DNAH7: variants seen among roughly 807,000 people sequenced by gnomAD.
DNAH7 encodes axonemal beta dynein heavy chain 7.
DNAH7 carries 397 observed loss-of-function variants against 444.6 expected under a neutral mutation model. The ratio of observed to expected loss-of-function variants is 0.89; its 90% CI spans 0.82 to 0.97. DNAH7 has a LOEUF of 0.97. Among genes scored for constraint, DNAH7 ranks in the 50% least tolerant of loss-of-function variants. The pLI, the probability that DNAH7 is intolerant of heterozygous loss-of-function variation, is 0.00. For synonymous variants in DNAH7, 1,636 were observed against 1,624.4 expected, an observed-to-expected ratio of 1.01 and a Z score of -0.17; for missense variants, 4,902 against 4,800.8, an observed-to-expected ratio of 1.02 and a Z score of -0.62.
intron 5 of DNAH7, among the ~76,000 whole-genome samples, chr2:196,032,577 A>G (rs564672413): frequency 7.9e-5 from 12 of 152,374 alleles, no homozygotes; most frequent in Admixed American, 5.9e-4. Context: ...TGACCCAATC[A>G]ACAACAGAAA....
At chr2:195,935,620 TAAGTA>T (rs1464750694) in intron 20 of DNAH7, among the ~76,000 whole-genome samples, 1 of 152,040 alleles carries the variant, frequency 6.6e-6, no homozygotes, top group African/African-American at 2.4e-5. Flanking sequence ...CATTAACAAA[TAAGTA>T]AATTACAGAG....
At chr2:196,056,376 C>T (rs1474844317) in intron 2 of DNAH7, among the ~76,000 whole-genome samples, 2 of 141,758 alleles carry the variant, frequency 1.4e-5, no homozygotes, top group African/African-American at 2.7e-5. Flanking sequence ...GCCCGGGAGG[C>T]GGAGGTTGCA....
intron 36 of DNAH7, among the ~76,000 whole-genome samples, chr2:195,878,186 A>G (rs1701165601): frequency 6.6e-6 from 1 of 152,258 alleles, no homozygotes; most frequent in African/African-American, 2.4e-5. Flanking sequence ...TATTTCACTT[A>G]GCTTGCCTAC....
At chr2:195,942,576 T>C (rs1689531336) in intron 19 of DNAH7, among the ~76,000 whole-genome samples, 2 of 152,060 alleles carry the variant, frequency 1.3e-5, no homozygotes, top group African/African-American at 2.4e-5. Context: ...AATGAGCAGA[T>C]CAAGAACTTC....
chr2:195,955,002 T>C (rs965373501), intron 19 of DNAH7, among the ~76,000 whole-genome samples: 23 of 152,250 alleles, frequency 1.5e-4, no homozygotes, highest in Admixed American at 1.4e-3. Context: ...GTAGTTTCTT[T>C]TGCCGTGCAG....
intron 9 of DNAH7, 118 bp downstream of exon 9, chr2:196,019,052 T>TTACA: frequency 9.2e-7 from 1 of 1,090,708 alleles, no homozygotes; most frequent in Non-Finnish European, 1.2e-6. Flanking sequence ...GTTTGAATAC[T>TTACA]TACATTAAAA....
intron 44 of DNAH7, 95 bp downstream of exon 44, chr2:195,857,282 C>G: frequency 9.3e-7 from 1 of 1,080,336 alleles, no homozygotes; most frequent in South Asian, 1.9e-5. Flanking sequence ...TTCCAAGGAG[C>G]CTCTCACTTA....
At chr2:195,941,639 G>A (rs192910169) in intron 19 of DNAH7, among the ~76,000 whole-genome samples, 1 of 152,136 alleles carries the variant, frequency 6.6e-6, no homozygotes, top group African/African-American at 2.4e-5. Flanking sequence ...TTAAGCTCAA[G>A]CCTGCCTGGT....
intron 17 of DNAH7, among the ~76,000 whole-genome samples, chr2:195,964,901 A>G (rs1361096302): frequency 6.6e-6 from 1 of 151,610 alleles, no homozygotes; most frequent in Non-Finnish European, 1.5e-5. Flanking sequence ...AGTTCATATC[A>G]TCTACAAACA....
chr2:195,740,656 C>T (rs200934227), intron 64 of DNAH7, 110 bp downstream of exon 64: 1,535 of 54,490 alleles, frequency 0.028, 35 homozygotes, highest in Non-Finnish European at 0.052. Context: ...CATATACACA[C>T]ACACATATGT....
chr2:195,865,954 A>C (rs11675272), intron 40 of DNAH7, among the ~76,000 whole-genome samples: 73 of 152,304 alleles, frequency 4.8e-4, no homozygotes, highest in Non-Finnish European at 7.5e-4. Context: ...CACAGAGACA[A>C]GGTGGCTTTA....
rs1559174187 is a variant in DNAH7 at position 195,876,673 on chromosome 2, CTTA to C, written c.5985_5987del (p.Asn1995del). 6.2e-7 allele frequency: 1 copy of C among 1,600,896 alleles called. No homozygotes were observed. Among genetic ancestry groups the C allele is most frequent in the African/African-American group, 1.3e-5 (1 of 74,364 alleles). ...TAATTAGCAGAGGTTTGTAGATTTC[CTTA>C]TTTAGTTGATTTAAAAGAAAATTCT... On this transcript the variant is annotated inframe_deletion, in exon 37 of 65. Transcript: ENST00000312428.
intron 19 of DNAH7, among the ~76,000 whole-genome samples, chr2:195,950,784 G>A (rs761902284): frequency 2.2e-5 from 3 of 137,004 alleles, no homozygotes; most frequent in Admixed American, 8.8e-5. Context: ...CCCAGGAGGC[G>A]AAGCTTGCAG....
intron 5 of DNAH7, among the ~76,000 whole-genome samples, chr2:196,046,921 G>A (rs1697165871): frequency 6.6e-6 from 1 of 152,178 alleles, no homozygotes; most frequent in Non-Finnish European, 1.5e-5. Context: ...TTTATGAACT[G>A]TCCTGAAACA....
chr2:195,806,761 A>G lies in DNAH7; in HGVS notation c.10155T>C (p.Ile3385=), dbSNP rs576248000. ...KANEFQRMLI[I]RCLRPDKVIP... is the part of the protein sequence containing the mutation. Reference sequence around the variant, plus strand: ...TTACCTTGTCTGGCCTCAAGCAACGAATAATAAGCATCCTTTGAAACTCAT... The same window carrying G: ...TTACCTTGTCTGGCCTCAAGCAACGGATAATAAGCATCCTTTGAAACTCAT... Residue 3385 remains isoleucine (I), a synonymous_variant, in exon 54 of 65, where the codon ATT becomes ATC. Transcript: ENST00000312428. The G allele has an allele frequency of 7.1e-5, 115 of 1,613,618 alleles. 2 individuals are homozygous for G. The South Asian group carries it at 1.2e-3, about 17-fold the overall frequency.
intron 36 of DNAH7, 65 bp downstream of exon 36, chr2:195,881,730 C>A: frequency 6.8e-7 from 1 of 1,465,414 alleles, no homozygotes. Flanking sequence ...TATTTGTCTG[C>A]TATTTCAAAA....
intron 45 of DNAH7, 57 bp downstream of exon 45, chr2:195,855,754 T>C: frequency 1.9e-6 from 3 of 1,577,662 alleles, no homozygotes; most frequent in Non-Finnish European, 2.6e-6. Context: ...AGTACGAACA[T>C]CATTCTTAGT....
At chr2:195,964,633 G>A (rs1312839799) in intron 17 of DNAH7, among the ~76,000 whole-genome samples, 2 of 147,582 alleles carry the variant, frequency 1.4e-5, no homozygotes, top group African/African-American at 5.0e-5. Flanking sequence ...TTGGGAGGCC[G>A]AGGCAGGCGG....
At chr2:195,951,051 T>C (rs1690219130) in intron 19 of DNAH7, among the ~76,000 whole-genome samples, 1 of 152,104 alleles carries the variant, frequency 6.6e-6, no homozygotes, top group Admixed American at 6.5e-5. Context: ...ATTTTAGATC[T>C]TTCCCACTTT....
Sources: allele counts gnomAD v4.1 joint callset (sites outside exome capture counted in the v4.1 genomes callset), GRCh38; gene constraint gnomAD v4.1.1; transcripts MANE v1.5; gene names NCBI Gene and HGNC (gene_info 2026-07-23, HGNC 2026-07-21).